Variants in NALCN observed in about 807,000 individuals in gnomAD.
The protein encoded by NALCN is sodium leak channel NALCN.
Under a neutral mutation model 225.3 loss-of-function variants are expected in NALCN, and 111 were observed. The ratio of observed to expected loss-of-function variants is 0.49; its 90% CI spans 0.42 to 0.58. NALCN has a LOEUF of 0.58. Among genes scored for constraint, NALCN ranks in the 20% least tolerant of loss-of-function variants. The pLI is 0.00. For synonymous variants in NALCN, 764 were observed against 769.0 expected (o/e 0.99, Z 0.11); for missense variants, 1,378 against 2,202.4 (o/e 0.63, Z 7.49).
At chr13:101,253,059 A>C (rs1190942624) in intron 11 of NALCN, among the ~76,000 whole-genome samples, 2 of 152,152 alleles carry the variant, frequency 1.3e-5, no homozygotes, top group African/African-American at 4.8e-5. Context: ...TGTTCATTAT[A>C]ACATATGATT....
At position 101,055,327 on chromosome 13, in the gene NALCN, C is replaced by T. The variant is rs1259310102; in HGVS notation, c.5185G>A (p.Asp1729Asn). Residue 1729 changes from aspartate (D) to asparagine (N), a missense_variant, in exon 44 of 44, where the codon GAC becomes AAC. By Grantham distance (23) the Asp-to-Asn change is conservative. Transcript: ENST00000251127. ...WWTRQLTVESDESGDDLLDI is the reference protein window; with the variant it reads ...WWTRQLTVESNESGDDLLDI ...TCCAGAAGGTCATCCCCACTTTCGT[C>T]GCTCTCCACAGTCAGCTGCCGGGTC... 2.5e-6 allele frequency: 4 copies of T among 1,613,718 alleles called. No individual in the cohort carries two copies. The highest frequency in any genetic ancestry group is 3.4e-6 in the Non-Finnish European group (4 of 1,179,844).
intron 6 of NALCN, among the ~76,000 whole-genome samples, chr13:101,355,916 CAAGGAAATTG>C (rs2046044831): frequency 6.6e-6 from 1 of 152,150 alleles, no homozygotes; most frequent in Non-Finnish European, 1.5e-5. Flanking sequence ...AACACAATTA[CAAGGAAATTG>C]AACAACCTGC....
intron 11 of NALCN, among the ~76,000 whole-genome samples, chr13:101,252,778 T>C (rs2042099878): frequency 6.6e-6 from 1 of 152,118 alleles, no homozygotes; most frequent in South Asian, 2.1e-4. Flanking sequence ...AGAACATAGC[T>C]GGGGATAATG....
intron 13 of NALCN, among the ~76,000 whole-genome samples, chr13:101,204,443 C>A (rs953343530): frequency 6.6e-6 from 1 of 152,084 alleles, no homozygotes; most frequent in Non-Finnish European, 1.5e-5. Flanking sequence ...GAGAAAAAAA[C>A]TGTTTATTGT....
chr13:101,336,407 C>T (rs76103529), intron 7 of NALCN, among the ~76,000 whole-genome samples: 4,816 of 152,188 alleles, frequency 0.032, 263 homozygotes, highest in African/African-American at 0.11. Context: ...CTCATAATTA[C>T]GTTCTTCAGA....
At chr13:101,231,846 C>G (rs1319050938) in intron 12 of NALCN, among the ~76,000 whole-genome samples, 1 of 152,078 alleles carries the variant, frequency 6.6e-6, no homozygotes, top group African/African-American at 2.4e-5. Flanking sequence ...CCTGGTTTTC[C>G]TTTAGCAAAT....
chr13:101,293,777 G>C lies in NALCN; in HGVS notation c.800-1411C>G, dbSNP rs529848575. Among the ~76,000 whole-genome samples, 6 of 152,308 alleles carry C rather than the reference G, an allele frequency of 3.9e-5. No individual in the cohort carries two copies. The South Asian group carries it at 1.2e-3, about 32-fold the overall frequency. ...AAAAGAGGCTGGAAAGAAAAGCTAA[G>C]AGAAAGAAGCAAAGTGCAGTCCTAT... On this transcript the variant is annotated intron_variant, in intron 7 of 43. Transcript: ENST00000251127.
chr13:101,056,553 C>T (rs578187299), intron 43 of NALCN, among the ~76,000 whole-genome samples: 5 of 152,182 alleles, frequency 3.3e-5, no homozygotes, highest in South Asian at 4.2e-4. Flanking sequence ...TGAGCCACTG[C>T]GCCTGGCCCA....
At chr13:101,396,407 TTAATA>T (rs1202084683) in intron 2 of NALCN, among the ~76,000 whole-genome samples, 8 of 152,114 alleles carry the variant, frequency 5.3e-5, no homozygotes, top group Admixed American at 4.6e-4. Context: ...TGATAATTCT[TTAATA>T]TAATACTCTG....
At chr13:101,266,435 C>A (rs2042600119) in intron 10 of NALCN, among the ~76,000 whole-genome samples, 1 of 152,030 alleles carries the variant, frequency 6.6e-6, no homozygotes, top group Admixed American at 6.6e-5. Context: ...ATAATTTTTC[C>A]TATGAAACAG....
chr13:101,143,712 G>T (rs1421331083), intron 16 of NALCN, among the ~76,000 whole-genome samples: 1 of 152,050 alleles, frequency 6.6e-6, no homozygotes. Flanking sequence ...GATCTGCCCG[G>T]TTCGGCCTCC....
intron 18 of NALCN, among the ~76,000 whole-genome samples, chr13:101,118,375 T>C: frequency 6.6e-6 from 1 of 152,206 alleles, no homozygotes; most frequent in East Asian, 1.9e-4. Context: ...GCTATCTCAA[T>C]AAAATATAAC....
Position 101,068,263 on chromosome 13 carries a change from C to A in NALCN, c.4331-230G>T, listed in dbSNP as rs2032584311. ...AGGGTCGTAAGCACAAACACACATT[C>A]TGTGTATAGAGATAGTCATGCCAGC... On this transcript the variant is annotated intron_variant, in intron 38 of 43. Transcript: ENST00000251127. Among the ~76,000 whole-genome samples, 3 of 152,174 alleles carry A rather than the reference C, an allele frequency of 2.0e-5. No homozygotes were observed. In the South Asian group the frequency reaches 6.2e-4, roughly 32 times the overall value.
Position 101,079,621 on chromosome 13 carries a change from T to C in NALCN, c.3885+1906A>G, listed in dbSNP as rs189755926. ...ATCATAGTCATTATACTCATAGATT[T>C]GTGAGCAATTGATGACTATCTATCT... On this transcript the variant is annotated intron_variant, in intron 34 of 43. Transcript: ENST00000251127. Among the ~76,000 whole-genome samples the C allele has an allele frequency of 4.6e-5, 7 of 152,352 alleles. No individual in the cohort carries two copies. The East Asian group carries it at 1.3e-3, about 29-fold the overall frequency.
chr13:101,070,036 T>C (rs1204347407), intron 37 of NALCN, among the ~76,000 whole-genome samples: 1 of 149,064 alleles, frequency 6.7e-6, no homozygotes, highest in African/African-American at 2.4e-5. Flanking sequence ...TTGATGATAT[T>C]TTGACCTCCT....
chr13:101,348,213 T>C (rs573554347), intron 6 of NALCN, among the ~76,000 whole-genome samples: 1 of 152,324 alleles, frequency 6.6e-6, no homozygotes, highest in South Asian at 2.1e-4. Flanking sequence ...AATTGGACTT[T>C]GGAGCCAATC....
intron 15 of NALCN, among the ~76,000 whole-genome samples, chr13:101,167,356 T>G (rs9518319): frequency 0.24 from 36,799 of 152,204 alleles, 5,237 homozygotes; most frequent in Non-Finnish European, 0.32. Flanking sequence ...CAGAATGTCT[T>G]TTCACTTGCA....
At chr13:101,067,806 C>CATTTA in intron 39 of NALCN, 112 bp downstream of exon 39, 1 of 751,880 alleles carries the variant, frequency 1.3e-6, no homozygotes, top group Non-Finnish European at 2.3e-6. Context: ...TGCAATTCAC[C>CATTTA]ATTTAAAAAT....
chr13:101,212,219 C>A (rs2040550738), intron 13 of NALCN, among the ~76,000 whole-genome samples: 1 of 152,116 alleles, frequency 6.6e-6, no homozygotes, highest in South Asian at 2.1e-4. Context: ...ATTATATTCA[C>A]CCCTAAAGAC....
Sources: gnomAD v4.1 joint callset for allele counts (sites outside exome capture counted in the v4.1 genomes callset) on GRCh38, gnomAD v4.1.1 for gene constraint, MANE v1.5 for transcripts, NCBI Gene and HGNC (gene_info 2026-07-23, HGNC 2026-07-21) for gene names.